KIF2C: variants seen among roughly 807,000 people sequenced by gnomAD.
KIF2C encodes kinesin-like protein KIF2C.
A neutral mutation model predicts 97.4 loss-of-function variants in KIF2C; 34 were observed. The observed-to-expected ratio is 0.35, with a 90% CI of 0.27 to 0.46. The LOEUF (loss-of-function observed/expected upper bound fraction) is 0.46, where lower values mean the gene tolerates loss of function less well. Ranked by LOEUF, KIF2C falls within the 20% of genes least tolerant of loss-of-function variation. The pLI, the probability that KIF2C is intolerant of heterozygous loss-of-function variation, is 1.00. For synonymous variants in KIF2C, 313 were observed against 318.2 expected, an observed-to-expected ratio of 0.98 and a Z score of 0.17; for missense variants, 750 against 907.6, an observed-to-expected ratio of 0.83 and a Z score of 2.23.
At chr1:44,766,159 G>T (rs1650453575) in intron 19 of KIF2C, among the ~76,000 whole-genome samples, 1 of 152,170 alleles carries the variant, frequency 6.6e-6, no homozygotes, top group Admixed American at 6.6e-5. Context: ...CTGGGAGGCG[G>T]AGGTTGCAGT....
intron 19 of KIF2C, among the ~76,000 whole-genome samples, chr1:44,763,761 C>T (rs545391492): frequency 2.6e-5 from 4 of 152,112 alleles, no homozygotes; most frequent in Admixed American, 6.6e-5. Context: ...GCCAGCCAGG[C>T]GCGGTGGCTC....
At position 44,760,764 on chromosome 1, in the gene KIF2C, C is replaced by A; in HGVS notation, c.1683+62C>A. Reference sequence around the variant, plus strand: ...GAGACAGAGTTGCTTTCCACAGAGACACTTAGTCCTGTCCCTGGGCTGGAA... The same window carrying A: ...GAGACAGAGTTGCTTTCCACAGAGAAACTTAGTCCTGTCCCTGGGCTGGAA... On this transcript the variant is annotated intron_variant, in intron 16 of 20. Transcript: ENST00000372224. This position sits in a 1 kb window ranked among gnomAD's most constrained non-coding sequence, Gnocchi z 4.2. 1 of 1,331,266 alleles carries A rather than the reference C, an allele frequency of 7.5e-7. No individual in the cohort carries two copies. The highest frequency in any genetic ancestry group is 1.1e-6 in the Non-Finnish European group (1 of 930,006). 82.5% of individuals were successfully genotyped at this position (1,331,266 alleles called of 1,614,324 possible).
chr1:44,753,362 C>A, intron 6 of KIF2C, 108 bp downstream of exon 6: 1 of 1,229,470 alleles, frequency 8.1e-7, no homozygotes, highest in Non-Finnish European at 1.1e-6. Flanking sequence ...CCCTGTTTGT[C>A]ACGTGGGGGC....
Position 44,760,288 on chromosome 1 carries a change from G to T in KIF2C, c.1376G>T (p.Gly459Val). 2 of 1,613,960 alleles carry T rather than the reference G, an allele frequency of 1.2e-6. No individual in the cohort carries two copies. The highest frequency in any genetic ancestry group is 1.7e-6 in the Non-Finnish European group (2 of 1,180,002). The change falls in exon 15 of 21, where the codon GGG becomes GTG. Residue 459 changes from glycine to valine, a missense_variant. Coordinates refer to ENST00000372224, the MANE Select transcript of KIF2C (RefSeq NM_006845.4). This position sits in a 1 kb window ranked among gnomAD's most constrained non-coding sequence, Gnocchi z 4.2. ...ACCTTTCTTTACCACAGAACCTCTG[G>T]GCAGACATTTGCCAACTCCAATTCC... ...IDMGSACRTSGQTFANSNSSR... is the reference protein window; with the variant it reads ...IDMGSACRTSVQTFANSNSSR...
At chr1:44,740,845 C>G in intron 1 of KIF2C, 68 bp from the exon 2 acceptor site, 1 of 811,486 alleles carries the variant, frequency 1.2e-6, no homozygotes, top group Non-Finnish European at 1.8e-6. Flanking sequence ...TTGGGAATCT[C>G]TGTGGAATCC....
chr1:44,762,909 G>A (rs780613854), intron 19 of KIF2C, among the ~76,000 whole-genome samples: 4 of 152,116 alleles, frequency 2.6e-5, no homozygotes, highest in Non-Finnish European at 5.9e-5. Flanking sequence ...TCTCCTCCAC[G>A]CTCCTGATAG....
At chr1:44,752,677 C>T (rs1203406919) in intron 5 of KIF2C, among the ~76,000 whole-genome samples, 4 of 152,134 alleles carry the variant, frequency 2.6e-5, no homozygotes, top group Non-Finnish European at 4.4e-5. Flanking sequence ...TGGATTGGAC[C>T]TTTCTGTATT....
chr1:44,745,846 A>C lies in KIF2C; in HGVS notation c.166-1538A>C, dbSNP rs114573091. Among the ~76,000 whole-genome samples, 336 of 151,848 alleles carry C rather than the reference A, an allele frequency of 2.2e-3. 2 individuals carry two copies. The highest frequency in any genetic ancestry group is 0.022 in the South Asian group (106 of 4,814). On this transcript the variant is annotated intron_variant, in intron 2 of 20. Coordinates refer to ENST00000372224, the MANE Select transcript of KIF2C (RefSeq NM_006845.4). ...TTCGTGGTGCCTAACAAATGTTTGA[A>C]TAGGCAGCAAATAACTGCAGATTTC... is the stretch of plus-strand genomic sequence containing the variant.
Position 44,767,335 on chromosome 1 carries a change from G to A in KIF2C, c.*156G>A, listed in dbSNP as rs1158788156. 8 of 619,408 alleles carry A rather than the reference G, an allele frequency of 1.3e-5. No homozygotes were observed. The East Asian group carries it at 1.7e-4, about 13-fold the overall frequency. 38.4% of individuals were successfully genotyped at this position (619,408 alleles called of 1,614,324 possible). ...GGGCATCTGGGCCCAGGGCAGCTGG[G>A]GAGGGGGTCAGAGTGACATGGGACA... On this transcript the variant is annotated 3_prime_UTR_variant, in exon 21 of 21. Transcript: ENST00000372224.
At chr1:44,756,280 T>C (rs1649827066) in intron 10 of KIF2C, 43 bp downstream of exon 10, 3 of 1,593,640 alleles carry the variant, frequency 1.9e-6, no homozygotes, top group Non-Finnish European at 2.6e-6. Context: ...TGCCCTTCCA[T>C]CCCCTTTTTT....
In KIF2C at chr1:44,760,877, C is replaced by T; in HGVS notation, c.1683+175C>T. On this transcript the variant is annotated intron_variant, in intron 16 of 20. Transcript: ENST00000372224. The surrounding 1 kb of genome is among the most constrained non-coding windows in gnomAD (Gnocchi z 4.2). ...TTTAATGCACGAGACTCCTTGTGGC[C>T]TAACCAAGCGTGGAGGAAAGGATCT... 1.7e-6 allele frequency: 1 copy of T among 603,634 alleles called. No homozygotes were observed. The allele number at this position is 603,634 out of a possible 1,614,324, so 37.4% of individuals were successfully genotyped here.
intron 2 of KIF2C, among the ~76,000 whole-genome samples, chr1:44,745,000 G>T (rs1039696621): frequency 6.6e-6 from 1 of 152,094 alleles, no homozygotes; most frequent in African/African-American, 2.4e-5. Context: ...GACCAGCCTG[G>T]CCAACGTGGT....
Position 44,760,487 on chromosome 1 carries a change from A to G in KIF2C, c.1572+3A>G. 6.2e-7 allele frequency: 1 copy of G among 1,613,826 alleles called. No individual in the cohort carries two copies. Among genetic ancestry groups the G allele is most frequent in the East Asian group, 2.2e-5 (1 of 44,876 alleles). On this transcript the variant is annotated splice_donor_region_variant and intron_variant, in intron 15 of 20. Coordinates refer to ENST00000372224, the MANE Select transcript of KIF2C (RefSeq NM_006845.4). This position sits in a 1 kb window ranked among gnomAD's most constrained non-coding sequence, Gnocchi z 4.2. ...ACAAGAGTCTCTTAGCCCTGAAGGT[A>G]GTGGGGCAGCTAGAGCTGGTTGGCC...
At chr1:44,749,185 C>T (rs1346467201) in intron 4 of KIF2C, among the ~76,000 whole-genome samples, 1 of 152,038 alleles carries the variant, frequency 6.6e-6, no homozygotes, top group Non-Finnish European at 1.5e-5. Flanking sequence ...GTAATCCCAG[C>T]ATTTTAGGAG....
chr1:44,740,050 G>A (rs1489513404), intron 1 of KIF2C, 48 bp downstream of exon 1: 1 of 1,608,480 alleles, frequency 6.2e-7, no homozygotes, highest in African/African-American at 1.3e-5. Flanking sequence ...GCGGTGAGAC[G>A]ACTGAAATTA....
intron 4 of KIF2C, 176 bp from the exon 5 acceptor site, chr1:44,750,266 T>A (rs1649436521): frequency 1.1e-5 from 6 of 537,680 alleles, no homozygotes; most frequent in Non-Finnish European, 1.8e-5. Context: ...AAAGAGGTTT[T>A]GGGGTTACTG....
Position 44,753,241 on chromosome 1 carries a change from C to A in KIF2C, c.549C>A (p.Asn183Lys). The A allele has an allele frequency of 1.2e-6, 2 of 1,613,304 alleles. No individual in the cohort carries two copies. The highest frequency in any genetic ancestry group is 1.7e-6 in the Non-Finnish European group (2 of 1,179,428). ...VHSIRGSSSA[N>K]PVNSVRRKSC... is the part of the protein sequence containing the mutation. ...CCATCCGAGGCAGCTCTTCTGCAAA[C>A]CCTGTGAACTCAGGTAGACACACTG... The change falls in exon 6 of 21, where the codon AAC (asparagine) becomes AAA (lysine). Residue 183 changes from asparagine (N) to lysine (K), a missense_variant. By Grantham distance (94) the Asn-to-Lys change is moderately conservative. Coordinates refer to ENST00000372224, the MANE Select transcript of KIF2C (RefSeq NM_006845.4).
Position 44,762,469 on chromosome 1 carries a change from G to A in KIF2C, c.1857+18G>A, listed in dbSNP as rs772861259. ...CAGGCAATGTAAGGACCAGGATGCG[G>A]CCAAGCAAGACAGAAGTGTGGCCTG... On this transcript the variant is annotated intron_variant, in intron 18 of 20. Transcript: ENST00000372224. The A allele has an allele frequency of 3.7e-5, 59 of 1,612,630 alleles. No individual in the cohort carries two copies. The highest frequency in any genetic ancestry group is 4.5e-5 in the Non-Finnish European group (53 of 1,178,760).
Position 44,760,259 on chromosome 1 carries a change from C to T in KIF2C, c.1368-21C>T. On this transcript the variant is annotated intron_variant, in intron 14 of 20. Transcript: ENST00000372224. This position sits in a 1 kb window ranked among gnomAD's most constrained non-coding sequence, Gnocchi z 4.2. ...ATGGGGGCTGGTGACCACAGAATCT[C>T]ATAACCTTTCTTTACCACAGAACCT... The T allele has an allele frequency of 1.2e-6, 2 of 1,612,132 alleles. No homozygotes were observed. The highest frequency in any genetic ancestry group is 1.7e-6 in the Non-Finnish European group (2 of 1,178,620).
Sources: gnomAD v4.1 joint callset for allele counts (sites outside exome capture counted in the v4.1 genomes callset) on GRCh38, gnomAD v4.1.1 for gene constraint, Gnocchi (gnomAD v3.1) non-coding constraint, MANE v1.5 for transcripts, NCBI Gene and HGNC (gene_info 2026-07-23, HGNC 2026-07-21) for gene names.